Variants in NTRK3 observed in about 807,000 individuals in gnomAD.
NTRK3 encodes the protein NT-3 growth factor receptor.
A neutral mutation model predicts 91.7 loss-of-function variants in NTRK3; 24 were observed. The ratio of observed to expected loss-of-function variants is 0.26; its 90% CI spans 0.19 to 0.37. NTRK3 has a LOEUF of 0.37. NTRK3 is among the 10% of genes least tolerant of loss of function. The probability of loss-of-function intolerance (pLI) is 1.00; values close to 1 mark genes in which losing one functional copy is unlikely to be tolerated. For missense variants in NTRK3, 880 were observed against 1,068.9 expected (o/e 0.82, Z 2.46); for synonymous variants, 483 against 404.0 (o/e 1.20, Z -2.34).
rs568854172 is a variant in NTRK3 at position 88,089,676 on chromosome 15, C to T, written c.1396+36595G>A. 1.1e-3 allele frequency among the ~76,000 whole-genome samples: 160 copies of T among 152,314 alleles called. No individual in the cohort carries two copies. The South Asian group carries it at 0.016, about 15-fold the overall frequency. The stretch of plus-strand genomic sequence containing the variant: ...CTTGCATGGACACAGCCTCCTGACC[C>T]TCCTTCCAGCCTTGACTCTGTACTC... On this transcript the variant is annotated intron_variant, in intron 13 of 18. Coordinates refer to ENST00000394480, the Ensembl canonical transcript of NTRK3.
At chr15:88,175,284 A>G (rs1194282984) in intron 5 of NTRK3, among the ~76,000 whole-genome samples, 7 of 152,240 alleles carry the variant, frequency 4.6e-5, no homozygotes, top group Admixed American at 4.6e-4. Flanking sequence ...GAACAGTAAC[A>G]TCCTTTGCCC....
chr15:87,871,818 A>T (rs970611750), exon 19 of NTRK3: 11 of 221,198 alleles, frequency 5.0e-5, no homozygotes, highest in African/African-American at 2.5e-4. Context: ...ATAAACACAC[A>T]ACGTACATAT....
intron 5 of NTRK3, among the ~76,000 whole-genome samples, chr15:88,182,878 T>C (rs1356863949): frequency 6.6e-6 from 1 of 152,180 alleles, no homozygotes; most frequent in Non-Finnish European, 1.5e-5. Flanking sequence ...CATAACCACC[T>C]GACCTCTAGC....
chr15:88,122,033 G>A (rs1301146726), intron 13 of NTRK3, among the ~76,000 whole-genome samples: 1 of 152,174 alleles, frequency 6.6e-6, no homozygotes, highest in East Asian at 1.9e-4. Flanking sequence ...CATAAAATGG[G>A]CACCCATTGG....
chr15:87,956,376 C>T (rs984272741), intron 14 of NTRK3, among the ~76,000 whole-genome samples: 3 of 152,144 alleles, frequency 2.0e-5, no homozygotes, highest in Non-Finnish European at 4.4e-5. Context: ...CAGGTTCAAG[C>T]GTTTCTCCTG....
intron 17 of NTRK3, among the ~76,000 whole-genome samples, chr15:87,891,288 T>C (rs2065848532): frequency 6.6e-6 from 1 of 152,260 alleles, no homozygotes; most frequent in East Asian, 1.9e-4. Flanking sequence ...AGCTCCTTTC[T>C]GTGTGGTGAA....
rs2078753442 is a variant in NTRK3, at chr15:88,033,217, A to ATATATATAT, written c.1397-173_1397-172insATATATATA. Among the ~76,000 whole-genome samples the ATATATATAT allele has an allele frequency of 4.4e-4, 22 of 49,686 alleles. 1 individual carries two copies. The highest frequency in any genetic ancestry group is 1.6e-3 in the African/African-American group (14 of 8,586). 32.6% of individuals were successfully genotyped at this position (49,686 alleles called of 152,430 possible). A position where few individuals can be genotyped will look rare whatever the true frequency, so the allele number is the denominator to read the frequency against. On this transcript the variant is annotated intron_variant, in intron 13 of 18. Coordinates refer to ENST00000394480, the Ensembl canonical transcript of NTRK3. ...ATATATATATATATATATATATATAAATTCAGTTGTTTGGGTTTCTGGTGT... is the reference window on the plus strand; with the variant it reads ...ATATATATATATATATATATATATAATATATATATATTCAGTTGTTTGGGTTTCTGGTGT...
chr15:87,884,099 ACAGC>A (rs2065400443), intron 17 of NTRK3, among the ~76,000 whole-genome samples: 1 of 151,348 alleles, frequency 6.6e-6, no homozygotes, highest in Non-Finnish European at 1.5e-5. Flanking sequence ...ACAAAGCAAA[ACAGC>A]CAGCCAAAAG....
chr15:87,893,419 G>A (rs1490524257), intron 17 of NTRK3, among the ~76,000 whole-genome samples: 5 of 152,194 alleles, frequency 3.3e-5, no homozygotes, highest in Non-Finnish European at 7.3e-5. Context: ...CAGGCTCCAG[G>A]TTCTACTTGG....
Position 88,237,242 on chromosome 15 carries a change from G to A in NTRK3, c.248+18664C>T, listed in dbSNP as rs2051871461. Among the ~76,000 whole-genome samples, 1 of 152,196 alleles carries A rather than the reference G, an allele frequency of 6.6e-6. No homozygotes were observed. ...GGGCGTAGTTTTATGGATGTTCACAGCAAAATTTTCAACTTCTCTGTATGT... is the reference window on the plus strand; with the variant it reads ...GGGCGTAGTTTTATGGATGTTCACAACAAAATTTTCAACTTCTCTGTATGT... On this transcript the variant is annotated intron_variant, in intron 3 of 18. Coordinates refer to ENST00000394480, the Ensembl canonical transcript of NTRK3. The surrounding 1 kb of genome is among the most constrained non-coding windows in gnomAD (Gnocchi z 4.0).
At chr15:88,128,787 G>C (rs2053544243) in intron 10 of NTRK3, 53 bp from the exon 11 acceptor site, 1 of 1,506,346 alleles carries the variant, frequency 6.6e-7, no homozygotes, top group Non-Finnish European at 9.2e-7. Flanking sequence ...AACCAGAACA[G>C]ACACACTACT....
intron 13 of NTRK3, among the ~76,000 whole-genome samples, chr15:88,107,513 T>TTC (rs2050849419): frequency 6.6e-6 from 1 of 152,102 alleles, no homozygotes; most frequent in Admixed American, 6.5e-5. Context: ...TTTCAAGAGC[T>TTC]TCTGTTGGTC....
chr15:87,980,885 C>T (rs561682998), intron 14 of NTRK3, among the ~76,000 whole-genome samples: 1 of 152,106 alleles, frequency 6.6e-6, no homozygotes, highest in Admixed American at 6.5e-5. Flanking sequence ...CCTGCCCTGA[C>T]CCCAGATAAA....
intron 15 of NTRK3, among the ~76,000 whole-genome samples, chr15:87,933,973 C>A (rs2069036130): frequency 6.6e-6 from 1 of 152,162 alleles, no homozygotes; most frequent in South Asian, 2.1e-4. Flanking sequence ...GAAAGAGGTG[C>A]AAACCAGGCC....
chr15:87,986,605 A>G (rs901369219), intron 14 of NTRK3, among the ~76,000 whole-genome samples: 11 of 152,272 alleles, frequency 7.2e-5, no homozygotes, highest in African/African-American at 2.4e-4. Context: ...ATGTTGATAC[A>G]TGTAGCTCCC....
At chr15:87,928,943 G>A (rs1239629310) in intron 17 of NTRK3, 1 of 606,918 alleles carries the variant, frequency 1.6e-6, no homozygotes, top group East Asian at 2.7e-5. Flanking sequence ...CAATGCATAT[G>A]TTATTGCAAT....
intron 13 of NTRK3, among the ~76,000 whole-genome samples, chr15:88,102,559 C>G (rs1487821144): frequency 2.6e-5 from 4 of 152,046 alleles, no homozygotes; most frequent in African/African-American, 9.7e-5. Context: ...GATGGATATC[C>G]CAGTTACCCT....
chr15:88,032,723 G>C (rs2078663100), intron 14 of NTRK3, 134 bp downstream of exon 14: 1 of 992,990 alleles, frequency 1.0e-6, no homozygotes. Flanking sequence ...GAAACAAACA[G>C]GGAGGGTCTC....
intron 3 of NTRK3, among the ~76,000 whole-genome samples, chr15:88,194,153 ACT>A (rs1324032048): frequency 6.6e-6 from 1 of 151,814 alleles, no homozygotes; most frequent in Admixed American, 6.6e-5. Context: ...CCTTGACTAC[ACT>A]CTCTCCTGGG....
Sources: gnomAD v4.1 joint callset for allele counts (sites outside exome capture counted in the v4.1 genomes callset) on GRCh38, gnomAD v4.1.1 for gene constraint, Gnocchi (gnomAD v3.1) non-coding constraint, MANE v1.5 for transcripts, NCBI Gene and HGNC (gene_info 2026-07-23, HGNC 2026-07-21) for gene names.